The following TBCD variants were observed in gnomAD, a reference collection of about 807,000 sequenced individuals.
The protein encoded by TBCD is tubulin folding cofactor D, also known as tubulin-specific chaperone D.
In TBCD, 105 loss-of-function variants were observed where a neutral mutation model predicts 169.3. The ratio of observed to expected loss-of-function variants is 0.62; its 90% CI spans 0.53 to 0.73. The LOEUF (loss-of-function observed/expected upper bound fraction) is 0.73. Among genes scored for constraint, TBCD ranks in the 30% least tolerant of loss-of-function variants. The pLI, the probability that TBCD is intolerant of heterozygous loss-of-function variation, is 0.00. For missense variants in TBCD, 1,444 were observed against 1,600.1 expected (o/e 0.90, Z 1.66); for synonymous variants, 700 against 643.9 (o/e 1.09, Z -1.32).
At chr17:82,769,265 T>G (rs2048181477) in intron 5 of TBCD, among the ~76,000 whole-genome samples, 1 of 152,202 alleles carries the variant, frequency 6.6e-6, no homozygotes. Flanking sequence ...CCCCTCCAAC[T>G]TAGTGACTTA....
rs1223970758 is a variant in TBCD at position 82,756,575 on chromosome 17, G to A, written c.235+360G>A. ...GCTCACTGCATCCTCCAGCTCCCTG[G>A]TTCAAGGGATTCTCCTGCCTCTGCC... On this transcript the variant is annotated intron_variant, in intron 2 of 38. Coordinates refer to ENST00000355528, the MANE Select transcript of TBCD (RefSeq NM_005993.5). 5.3e-5 allele frequency among the ~76,000 whole-genome samples: 8 copies of A among 152,254 alleles called. No individual in the cohort carries two copies. The East Asian group carries it at 5.8e-4, about 11-fold the overall frequency.
intron 6 of TBCD, among the ~76,000 whole-genome samples, chr17:82,774,386 G>A (rs536307476): frequency 6.6e-6 from 1 of 152,332 alleles, no homozygotes; most frequent in Admixed American, 6.5e-5. Context: ...TAGATTAACA[G>A]CATCCCAAGG....
At chr17:82,936,368 G>A (rs546051772) in intron 34 of TBCD, among the ~76,000 whole-genome samples, 1 of 151,544 alleles carries the variant, frequency 6.6e-6, no homozygotes, top group Non-Finnish European at 1.5e-5. Context: ...TTTCCGCTTC[G>A]CCGTTCCCTG....
intron 13 of TBCD, among the ~76,000 whole-genome samples, chr17:82,851,514 C>T (rs2055786058): frequency 6.6e-6 from 1 of 152,174 alleles, no homozygotes; most frequent in Non-Finnish European, 1.5e-5. Flanking sequence ...CTGCATGTGG[C>T]CCACAGGGCC....
At chr17:82,754,273 G>A (rs1178032105) in intron 1 of TBCD, among the ~76,000 whole-genome samples, 4 of 152,190 alleles carry the variant, frequency 2.6e-5, no homozygotes, top group Admixed American at 2.6e-4. Flanking sequence ...TACAATCATA[G>A]GGGAGTCGGA....
chr17:82,858,424 C>T (rs928863934), intron 13 of TBCD: 4 of 233,458 alleles, frequency 1.7e-5, no homozygotes, highest in African/African-American at 4.7e-5. Flanking sequence ...TGTTGTCTTC[C>T]GTGTTTTTGC....
intron 12 of TBCD, among the ~76,000 whole-genome samples, chr17:82,810,451 A>T (rs1350954681): frequency 6.6e-6 from 1 of 152,100 alleles, no homozygotes; most frequent in African/African-American, 2.4e-5. Flanking sequence ...TCAGAACAAA[A>T]CTGAGTGTAG....
chr17:82,813,225 T>G (rs968165304), intron 12 of TBCD, among the ~76,000 whole-genome samples: 3 of 152,190 alleles, frequency 2.0e-5, no homozygotes, highest in African/African-American at 7.2e-5. Flanking sequence ...CCCCTTGCTC[T>G]TGATGATCTG....
intron 16 of TBCD, among the ~76,000 whole-genome samples, chr17:82,891,636 C>T (rs1411551549): frequency 6.6e-6 from 1 of 152,202 alleles, no homozygotes; most frequent in South Asian, 2.1e-4. Context: ...TAAAAACCCT[C>T]GGATTTGGAG....
intron 8 of TBCD, among the ~76,000 whole-genome samples, chr17:82,798,738 T>G (rs960414635): frequency 1.5e-5 from 2 of 136,712 alleles, no homozygotes; most frequent in Non-Finnish European, 3.2e-5. Context: ...TCTTTTGCCT[T>G]CTTCCTAATT....
intron 35 of TBCD, 33 bp from the exon 36 acceptor site, chr17:82,938,016 G>T (rs758939676): frequency 1.2e-5 from 20 of 1,611,176 alleles, no homozygotes; most frequent in Middle Eastern, 1.7e-4. Flanking sequence ...CGCGGGGTGG[G>T]GCTCACCTGG....
Position 82,754,834 on chromosome 17 carries a change from A to G in TBCD, c.185-1331A>G, listed in dbSNP as rs1474933875. Among the ~76,000 whole-genome samples the G allele has an allele frequency of 2.0e-5, 3 of 152,300 alleles. No individual in the cohort carries two copies. The East Asian group carries it at 5.8e-4, about 29-fold the overall frequency. On this transcript the variant is annotated intron_variant, in intron 1 of 38. Coordinates refer to ENST00000355528, the MANE Select transcript of TBCD (RefSeq NM_005993.5). ...AGCAGTTTCAGCTGCTGAGAGGAGG[A>G]GAAAGCGGTGGTTCAGGGTCTGGGA... is the stretch of plus-strand genomic sequence containing the variant.
chr17:82,916,787 G>A (rs116630371), intron 23 of TBCD, among the ~76,000 whole-genome samples: 1,860 of 151,960 alleles, frequency 0.012, 52 homozygotes, highest in African/African-American at 0.043. Context: ...ATCTGACTTG[G>A]GGCTCTAGGG....
At chr17:82,758,702 C>T (rs1389554498) in intron 2 of TBCD, among the ~76,000 whole-genome samples, 1 of 144,852 alleles carries the variant, frequency 6.9e-6, no homozygotes, top group Non-Finnish European at 1.5e-5. Flanking sequence ...CTCTGTTGCC[C>T]AGGCTGGAGT....
chr17:82,769,675 G>A (rs770924958), intron 5 of TBCD, among the ~76,000 whole-genome samples: 8 of 152,052 alleles, frequency 5.3e-5, no homozygotes, highest in Non-Finnish European at 1.0e-4. Flanking sequence ...TTAGGACTTC[G>A]AGACCAGCCT....
intron 6 of TBCD, among the ~76,000 whole-genome samples, chr17:82,775,446 G>A (rs940254676): frequency 1.3e-5 from 2 of 152,114 alleles, no homozygotes; most frequent in Non-Finnish European, 2.9e-5. Flanking sequence ...GGATTGTTCA[G>A]GTAAGGCCAG....
At chr17:82,862,251 A>G (rs2056834459) in intron 13 of TBCD, among the ~76,000 whole-genome samples, 2 of 152,134 alleles carry the variant, frequency 1.3e-5, no homozygotes, top group African/African-American at 2.4e-5. Flanking sequence ...TTGTGGTGTG[A>G]GTTTATATTT....
intron 17 of TBCD, among the ~76,000 whole-genome samples, chr17:82,899,344 TCAGTGCGTGTCCG>T (rs1165068415): frequency 2.2e-5 from 3 of 136,190 alleles, no homozygotes; most frequent in South Asian, 2.4e-4. Flanking sequence ...GCTCGTGTCC[TCAGTGCGTGTCCG>T]CAGTGCGTCC....
intron 28 of TBCD, 113 bp from the exon 29 acceptor site, chr17:82,927,073 T>G: frequency 6.7e-7 from 1 of 1,483,312 alleles, no homozygotes; most frequent in East Asian, 2.3e-5. Context: ...CCGAGGGTCC[T>G]GGACTGTTCT....
Sources: gnomAD v4.1 joint callset for allele counts (sites outside exome capture counted in the v4.1 genomes callset) on GRCh38, gnomAD v4.1.1 for gene constraint, MANE v1.5 for transcripts, NCBI Gene and HGNC (gene_info 2026-07-23, HGNC 2026-07-21) for gene names.